The following EPSTI1 variants were observed in gnomAD, a reference collection of about 807,000 sequenced individuals.
The protein encoded by EPSTI1 is epithelial stromal interaction 1, also known as epithelial-stromal interaction protein 1.
In EPSTI1, 66 loss-of-function variants were observed where a neutral mutation model predicts 49.9. The ratio of observed to expected loss-of-function variants is 1.32; its 90% CI spans 1.08 to 1.62. The LOEUF (loss-of-function observed/expected upper bound fraction) is 1.62, where lower values mean the gene tolerates loss of function less well. EPSTI1 is among the 40% of genes most tolerant of loss of function. EPSTI1 has a pLI of 0.00. For missense variants in EPSTI1, 394 were observed against 365.5 expected (o/e 1.08, Z -0.64); for synonymous variants, 137 against 130.7 (o/e 1.05, Z -0.33).
At chr13:42,912,315 G>C (rs1294577672) in intron 8 of EPSTI1, among the ~76,000 whole-genome samples, 1 of 152,194 alleles carries the variant, frequency 6.6e-6, no homozygotes, top group Non-Finnish European at 1.5e-5. Context: ...GCAGCTTGGT[G>C]GTGGGTTCTT....
chr13:42,893,900 CTA>C (rs961057854), intron 10 of EPSTI1, among the ~76,000 whole-genome samples: 2 of 152,316 alleles, frequency 1.3e-5, no homozygotes, highest in South Asian at 2.1e-4. Flanking sequence ...TTACAAGACA[CTA>C]TGTGTACTTT....
At chr13:42,984,357 T>C (rs942946286) in intron 1 of EPSTI1, among the ~76,000 whole-genome samples, 3 of 152,232 alleles carry the variant, frequency 2.0e-5, no homozygotes, top group African/African-American at 4.8e-5. Context: ...ATTGAACATC[T>C]GAACATTGCA....
At chr13:42,968,923 C>A (rs138638073) in intron 3 of EPSTI1, among the ~76,000 whole-genome samples, 171 bp downstream of exon 3, 3 of 90,062 alleles carry the variant, frequency 3.3e-5, no homozygotes, top group Admixed American at 1.1e-4. Context: ...AAAAAAAATA[C>A]ACACACACAC....
intron 7 of EPSTI1, among the ~76,000 whole-genome samples, chr13:42,921,484 T>A (rs1220070930): frequency 6.6e-6 from 1 of 152,184 alleles, no homozygotes; most frequent in African/African-American, 2.4e-5. Flanking sequence ...GGGAAGCCAC[T>A]AAGTAATATG....
intron 8 of EPSTI1, among the ~76,000 whole-genome samples, chr13:42,917,003 TAGA>T (rs761128353): frequency 4.5e-4 from 68 of 152,316 alleles, no homozygotes; most frequent in Non-Finnish European, 1.6e-4. Flanking sequence ...GCACTTTTCT[TAGA>T]AGGCTCTGCA....
rs1384521453 is a variant in EPSTI1, at chr13:42,888,132, T to C, written c.*362A>G. On this transcript the variant is annotated 3_prime_UTR_variant, in exon 11 of 11. Coordinates refer to ENST00000313624, the MANE Select transcript of EPSTI1 (RefSeq NM_033255.5). The stretch of plus-strand genomic sequence containing the variant: ...TTCAAAACCTGATCTGAGAATTAGA[T>C]AAGAATATGTCACTTAGAAAGACAA... The C allele has an allele frequency of 1.6e-6, 2 of 1,224,024 alleles. No homozygotes were observed. The highest frequency in any genetic ancestry group is 1.1e-6 in the Non-Finnish European group (1 of 881,646). 75.8% of individuals were successfully genotyped at this position (1,224,024 alleles called of 1,614,324 possible).
chr13:42,944,083 G>T (rs2038846755), intron 6 of EPSTI1, among the ~76,000 whole-genome samples: 1 of 152,102 alleles, frequency 6.6e-6, no homozygotes. Flanking sequence ...AGTGTAAATT[G>T]GTTCAACCAT....
At position 42,887,369 on chromosome 13, in the gene EPSTI1, C is replaced by T. The variant is rs1300970863; in HGVS notation, c.*1125G>A. 4 of 152,156 alleles carry T rather than the reference C, an allele frequency of 2.6e-5. No individual in the cohort carries two copies. Among genetic ancestry groups the T allele is most frequent in the African/African-American group, 9.7e-5 (4 of 41,416 alleles). The allele number at this position is 152,156 out of a possible 1,614,324, so 9.4% of individuals were successfully genotyped here. On this transcript the variant is annotated 3_prime_UTR_variant, in exon 11 of 11. Coordinates refer to ENST00000313624, the MANE Select transcript of EPSTI1 (RefSeq NM_033255.5). ...GTTATGTCTCTTGGCCCAAGAATTT[C>T]AAAACCCCATGTTTTCCTGAATAAA...
intron 8 of EPSTI1, among the ~76,000 whole-genome samples, chr13:42,913,967 C>A (rs772931479): frequency 3.9e-5 from 6 of 152,168 alleles, no homozygotes; most frequent in Admixed American, 6.5e-5. Flanking sequence ...GCTCTCTCTC[C>A]TGTTGGCCAT....
At position 42,992,221 on chromosome 13, in the gene EPSTI1, A is replaced by C; in HGVS notation, c.-56T>G. On this transcript the variant is annotated 5_prime_UTR_variant, in exon 1 of 11. Coordinates refer to ENST00000313624, the MANE Select transcript of EPSTI1 (RefSeq NM_033255.5). ...TCGCTGCGGGAGGGATGCGGCTGGG[A>C]CGCTTAGCGAGTCTCAAGATGGGAT... 3 of 1,473,648 alleles carry C rather than the reference A, an allele frequency of 2.0e-6. No homozygotes were observed. The highest frequency in any genetic ancestry group is 2.7e-6 in the Non-Finnish European group (3 of 1,110,158). 91.3% of individuals were successfully genotyped at this position (1,473,648 alleles called of 1,614,324 possible). A position where few individuals can be genotyped will look rare whatever the true frequency, so the allele number is the denominator to read the frequency against.
At chr13:42,965,823 A>C (rs1162571939) in intron 3 of EPSTI1, among the ~76,000 whole-genome samples, 1 of 36,622 alleles carries the variant, frequency 2.7e-5, no homozygotes, top group Non-Finnish European at 6.4e-5. Context: ...CCCTCTCCCC[A>C]CGGTCTCCCT....
chr13:42,918,319 A>G (rs1170800681), intron 7 of EPSTI1, among the ~76,000 whole-genome samples: 1 of 152,144 alleles, frequency 6.6e-6, no homozygotes, highest in East Asian at 1.9e-4. Flanking sequence ...TGGCATTTCA[A>G]GTGTTCTGTT....
intron 7 of EPSTI1, among the ~76,000 whole-genome samples, chr13:42,923,338 A>T (rs1460737562): frequency 6.6e-6 from 1 of 152,108 alleles, no homozygotes; most frequent in Non-Finnish European, 1.5e-5. Flanking sequence ...AGGTGGGTGG[A>T]TCATTTCAGC....
intron 7 of EPSTI1, among the ~76,000 whole-genome samples, chr13:42,921,602 A>G (rs923303172): frequency 6.6e-6 from 1 of 152,192 alleles, no homozygotes; most frequent in African/African-American, 2.4e-5. Context: ...ATGACTTTAA[A>G]ACAGGGATTC....
At chr13:42,914,147 A>G (rs1218748303) in intron 8 of EPSTI1, among the ~76,000 whole-genome samples, 1 of 152,182 alleles carries the variant, frequency 6.6e-6, no homozygotes, top group Non-Finnish European at 1.5e-5. Context: ...ATAACTGACT[A>G]ATACAATTAG....
chr13:42,942,911 A>G (rs539740171), intron 6 of EPSTI1, among the ~76,000 whole-genome samples: 1 of 151,360 alleles, frequency 6.6e-6, no homozygotes, highest in East Asian at 1.9e-4. Flanking sequence ...GATGGTCTCG[A>G]TCTCCTGACC....
chr13:42,986,744 CAAAAAAAAAAAAAAAA>C (rs71099813), intron 1 of EPSTI1, among the ~76,000 whole-genome samples: 9 of 80,814 alleles, frequency 1.1e-4, no homozygotes, highest in African/African-American at 3.8e-4. Context: ...GATTCCATCT[CAAAAAAAAAAAAAAAA>C]AAAAAAAAAA....
At chr13:42,904,232 A>G (rs2037436692) in intron 8 of EPSTI1, among the ~76,000 whole-genome samples, 1 of 152,220 alleles carries the variant, frequency 6.6e-6, no homozygotes, top group African/African-American at 2.4e-5. Context: ...TGTCCCAGAA[A>G]GTGGGTAAGG....
At chr13:42,971,107 T>C (rs1057102141) in intron 1 of EPSTI1, among the ~76,000 whole-genome samples, 1 of 152,186 alleles carries the variant, frequency 6.6e-6, no homozygotes, top group African/African-American at 2.4e-5. Flanking sequence ...CTCTTGATGA[T>C]CTGAGTAACT....
Sources: gnomAD v4.1 joint callset for allele counts (sites outside exome capture counted in the v4.1 genomes callset) on GRCh38, gnomAD v4.1.1 for gene constraint, MANE v1.5 for transcripts, NCBI Gene and HGNC (gene_info 2026-07-23, HGNC 2026-07-21) for gene names.